SREBF2: variants seen among roughly 807,000 people sequenced by gnomAD.
SREBF2 encodes sterol regulatory element binding transcription factor 2.
A neutral mutation model predicts 113.1 loss-of-function variants in SREBF2; 55 were observed. That is an observed-to-expected ratio of 0.49 (90% CI 0.39 to 0.61). SREBF2 has a LOEUF of 0.61. SREBF2 is among the 20% of genes least tolerant of loss of function. The pLI is 0.00. For missense variants in SREBF2, 1,349 were observed against 1,487.4 expected, an observed-to-expected ratio of 0.91 and a Z score of 1.53; for synonymous variants, 593 against 605.7, an observed-to-expected ratio of 0.98 and a Z score of 0.31.
At position 41,905,645 on chromosome 22, in the gene SREBF2, C is replaced by T; in HGVS notation, c.3411C>T (p.Ala1137=). The T allele has an allele frequency of 1.9e-6, 3 of 1,585,922 alleles. No homozygotes were observed. Among genetic ancestry groups the T allele is most frequent in the Non-Finnish European group, 8.6e-7 (1 of 1,166,950 alleles). ...TTGTTAAGCTGGGTGGTGGCACTGC[C>T]ATTGCCGCCTCCTGACCACCAGGCT... is the stretch of plus-strand genomic sequence containing the variant. ...QMIVKLGGGT[A]IAAS is the part of the protein sequence containing the mutation. Residue 1137 remains alanine (A), a synonymous_variant, in exon 19 of 19, where the codon GCC becomes GCT. Coordinates refer to ENST00000361204, the MANE Select transcript of SREBF2 (RefSeq NM_004599.4).
At position 41,866,974 on chromosome 22, in the gene SREBF2, G is replaced by GGCA; in HGVS notation, c.241_243dup (p.Ser81dup). The GGCA allele has an allele frequency of 6.2e-7, 1 of 1,613,896 alleles. No individual in the cohort carries two copies. Among genetic ancestry groups the GGCA allele is most frequent in the South Asian group, 1.1e-5 (1 of 91,074 alleles). On this transcript the variant is annotated inframe_insertion, in exon 2 of 19. Transcript: ENST00000361204. Reference sequence around the variant, plus strand: ...CAGCAGCAGCAGCAGCAATGGCAGGGGCAGCAGCAGCGGAGCTGTGGACCC... The same window carrying GGCA: ...CAGCAGCAGCAGCAGCAATGGCAGGGGCAGCAGCAGCAGCGGAGCTGTGGACCC...
intron 11 of SREBF2, among the ~76,000 whole-genome samples, chr22:41,890,773 T>C (rs980199559): frequency 5.5e-4 from 83 of 151,780 alleles, no homozygotes; most frequent in African/African-American, 1.9e-3. Context: ...CTGGGTGCGG[T>C]GGCGGGTGCC....
intron 10 of SREBF2, among the ~76,000 whole-genome samples, chr22:41,881,938 G>C (rs1184537686): frequency 6.6e-6 from 1 of 152,016 alleles, no homozygotes; most frequent in Non-Finnish European, 1.5e-5. Flanking sequence ...CAGGCTTGGT[G>C]ATGCACACCT....
chr22:41,904,906 G>T lies in SREBF2; in HGVS notation c.3137G>T (p.Ser1046Ile). 6.2e-7 allele frequency: 1 copy of T among 1,605,614 alleles called. No homozygotes were observed. The change falls in exon 18 of 19, where the codon AGC (serine) becomes ATC (isoleucine). Residue 1046 changes from serine to isoleucine, a missense_variant. Coordinates refer to ENST00000361204, the MANE Select transcript of SREBF2 (RefSeq NM_004599.4). ...EATVRLMAGA[S>I]PTRTHQLLEH... ...ACCGTGCGCCTGATGGCAGGAGCCA[G>T]CCCCACCCGCACCCACCAGCTGCTG...
At chr22:41,882,922 G>A (rs938326661) in intron 10 of SREBF2, among the ~76,000 whole-genome samples, 3 of 152,168 alleles carry the variant, frequency 2.0e-5, no homozygotes, top group Non-Finnish European at 4.4e-5. Flanking sequence ...TGGGAAACAC[G>A]GGGAGACTCC....
chr22:41,893,133 G>C lies in SREBF2; in HGVS notation c.2225G>C (p.Arg742Pro). The change falls in exon 12 of 19, where the codon CGA becomes CCA. Residue 742 changes from arginine (R) to proline (P), a missense_variant. This residue lies in a region of SREBF2 where 650 missense variants were observed against 644.1 expected (regional missense o/e 1.01). Transcript: ENST00000361204. ...CTTCCACAGAGCTACTTCCTCAGCC[G>C]AGCCCAGAGCCTGTGTGGCCCCGAG... ...LGFLASYFLS[R>P]AQSLCGPEHS... The C allele has an allele frequency of 6.2e-7, 1 of 1,613,676 alleles. No individual in the cohort carries two copies. Among genetic ancestry groups the C allele is most frequent in the Non-Finnish European group, 8.5e-7 (1 of 1,180,032 alleles).
intron 16 of SREBF2, 107 bp from the exon 17 acceptor site, chr22:41,902,863 C>T: frequency 8.0e-7 from 1 of 1,254,216 alleles, no homozygotes; most frequent in Non-Finnish European, 1.1e-6. Context: ...CACTTCCTCC[C>T]AGAGCTGCTG....
At chr22:41,863,417 T>C (rs1418010564) in intron 1 of SREBF2, among the ~76,000 whole-genome samples, 1 of 152,224 alleles carries the variant, frequency 6.6e-6, no homozygotes, top group Non-Finnish European at 1.5e-5. Flanking sequence ...CAGCCCTCTG[T>C]ATTGATTTCT....
At chr22:41,891,474 T>A (rs2077362109) in intron 11 of SREBF2, 1 of 152,218 alleles carries the variant, frequency 6.6e-6, no homozygotes, top group African/African-American at 2.4e-5. Context: ...CAGGTTGTTT[T>A]CTCTCAGACT....
intron 1 of SREBF2, among the ~76,000 whole-genome samples, chr22:41,857,901 C>A (rs764554556): frequency 6.6e-6 from 1 of 152,150 alleles, no homozygotes; most frequent in Non-Finnish European, 1.5e-5. Flanking sequence ...GTTGAAAGAG[C>A]CCAGTTCCTC....
chr22:41,861,221 C>T (rs962630766), intron 1 of SREBF2, among the ~76,000 whole-genome samples: 3 of 152,224 alleles, frequency 2.0e-5, no homozygotes, highest in African/African-American at 7.2e-5. Context: ...CTGTGGCTCA[C>T]GCCTGTAATC....
At chr22:41,875,257 T>C in intron 5 of SREBF2, 80 bp from the exon 6 acceptor site, 3 of 1,194,086 alleles carry the variant, frequency 2.5e-6, no homozygotes, top group South Asian at 2.5e-5. Flanking sequence ...CATGCTGTCA[T>C]CCCAAGTGCT....
chr22:41,885,256 G>T (rs112621386), intron 11 of SREBF2, among the ~76,000 whole-genome samples: 1 of 152,264 alleles, frequency 6.6e-6, no homozygotes, highest in African/African-American at 2.4e-5. Flanking sequence ...GGTCCCCTGA[G>T]GTAATATGAG....
At position 41,851,144 on chromosome 22, in the gene SREBF2, A is replaced by G. The variant is rs143651774; in HGVS notation, c.89-15687A>G. ...CTTTTATGTTGTCCTCATGGAGGAC[A>G]TGAATGAATTTAATTTCAGTAATAT... On this transcript the variant is annotated intron_variant, in intron 1 of 18. Coordinates refer to ENST00000361204, the MANE Select transcript of SREBF2 (RefSeq NM_004599.4). Among the ~76,000 whole-genome samples, 126 of 152,356 alleles carry G rather than the reference A, an allele frequency of 8.3e-4. 1 individual carries two copies. The East Asian group carries it at 0.023, about 28-fold the overall frequency.
chr22:41,858,223 T>C (rs1202420588), intron 1 of SREBF2, among the ~76,000 whole-genome samples: 1 of 152,202 alleles, frequency 6.6e-6, no homozygotes, highest in African/African-American at 2.4e-5. Flanking sequence ...CACACCATTA[T>C]TATTTCCATG....
intron 11 of SREBF2, among the ~76,000 whole-genome samples, chr22:41,886,946 A>T (rs2077304865): frequency 6.6e-6 from 1 of 152,332 alleles, no homozygotes; most frequent in African/African-American, 2.4e-5. Context: ...AGACAGGAGA[A>T]TCACTTGAAC....
rs139432763 is a variant in SREBF2, at chr22:41,877,376, C to A, written c.1534C>A (p.His512Asn). The A allele has an allele frequency of 6.2e-7, 1 of 1,614,174 alleles. No individual in the cohort carries two copies. The highest frequency in any genetic ancestry group is 1.7e-5 in the Admixed American group (1 of 60,020). Reference protein sequence around the residue: ...QWGGAHDSDQHPHSGSGRSVL... With the variant: ...QWGGAHDSDQNPHSGSGRSVL... ...GGGAGGGGCCCACGACTCTGACCAG[C>A]ACCCACACTCAGGCTCTGGCCGCAG... The change falls in exon 8 of 19, where the codon CAC becomes AAC. Residue 512 changes from histidine (H) to asparagine (N), a missense_variant. Transcript: ENST00000361204.
rs767466295 is a variant in SREBF2, at chr22:41,884,837, C to T, written c.2039-5C>T. On this transcript the variant is annotated splice_polypyrimidine_tract_variant and splice_region_variant and intron_variant, in intron 10 of 18. Coordinates refer to ENST00000361204, the MANE Select transcript of SREBF2 (RefSeq NM_004599.4). ...AACAATAGTGTCTGTTTCTGCCCAC[C>T]CTAGGGAAGCTTCCTGCAGGATCCG... 6.2e-7 allele frequency: 1 copy of T among 1,613,930 alleles called. No homozygotes were observed. The highest frequency in any genetic ancestry group is 1.3e-5 in the African/African-American group (1 of 74,898).
intron 1 of SREBF2, among the ~76,000 whole-genome samples, chr22:41,861,251 A>G (rs2077024618): frequency 6.6e-6 from 1 of 152,188 alleles, no homozygotes; most frequent in Admixed American, 6.5e-5. Flanking sequence ...TGGGAGGCCG[A>G]GGCAGGTGGA....
Sources: allele counts gnomAD v4.1 joint callset (sites outside exome capture counted in the v4.1 genomes callset), GRCh38; gene constraint gnomAD v4.1.1; regional missense constraint gnomAD v4.1.1; transcripts MANE v1.5; gene names NCBI Gene and HGNC (gene_info 2026-07-23, HGNC 2026-07-21).